The following CLDN10 variants were observed in gnomAD, a reference collection of about 807,000 sequenced individuals.
CLDN10 encodes claudin-10.
In CLDN10, 15 loss-of-function variants were observed where a neutral mutation model predicts 22.9. That is an observed-to-expected ratio of 0.65 (90% confidence interval 0.44 to 1.01). CLDN10 has a LOEUF of 1.01. CLDN10 is among the 50% of genes least tolerant of loss of function. CLDN10 has a pLI of 0.00. For synonymous variants in CLDN10, 114 were observed against 111.4 expected (o/e 1.02, Z -0.15); for missense variants, 247 against 287.8 (o/e 0.86, Z 1.03).
chr13:95,507,053 AAT>A (rs1248882051), intron 1 of CLDN10, among the ~76,000 whole-genome samples: 2 of 152,222 alleles, frequency 1.3e-5, no homozygotes, highest in Non-Finnish European at 2.9e-5. Flanking sequence ...ATAGTGTTAA[AAT>A]TATCCCAATC....
At chr13:95,451,982 C>G (rs1566649760) in intron 1 of CLDN10, among the ~76,000 whole-genome samples, 1 of 152,230 alleles carries the variant, frequency 6.6e-6, no homozygotes, top group Non-Finnish European at 1.5e-5. Context: ...GTATTTAATA[C>G]ACATCTCTTG....
chr13:95,538,164 T>C (rs1183181750), intron 1 of CLDN10, among the ~76,000 whole-genome samples: 1 of 138,698 alleles, frequency 7.2e-6, no homozygotes, highest in African/African-American at 2.7e-5. Flanking sequence ...TTTTTTTTTT[T>C]TTTTTTTTTT....
chr13:95,493,056 C>G, intron 1 of CLDN10, among the ~76,000 whole-genome samples: 1 of 152,158 alleles, frequency 6.6e-6, no homozygotes, highest in East Asian at 1.9e-4. Flanking sequence ...CAGTCCGCTT[C>G]CTTCAGAGGG....
At chr13:95,563,658 G>T (rs908429784) in intron 3 of CLDN10, among the ~76,000 whole-genome samples, 3 of 152,122 alleles carry the variant, frequency 2.0e-5, no homozygotes, top group Admixed American at 2.0e-4. Flanking sequence ...AATCCAGTTG[G>T]ATCAAGGAAT....
At chr13:95,518,350 TA>T (rs540977444) in intron 1 of CLDN10, among the ~76,000 whole-genome samples, 120 of 152,198 alleles carry the variant, frequency 7.9e-4, no homozygotes, top group Non-Finnish European at 1.3e-3. Context: ...ACTGATGATC[TA>T]AGTCACAAAG....
intron 1 of CLDN10, among the ~76,000 whole-genome samples, chr13:95,466,035 A>T (rs985836785): frequency 6.6e-6 from 1 of 151,888 alleles, no homozygotes; most frequent in South Asian, 2.1e-4. Context: ...GTTTATGTTT[A>T]TTTATTTATT....
intron 1 of CLDN10, among the ~76,000 whole-genome samples, chr13:95,492,536 T>C (rs1265164882): frequency 6.6e-6 from 1 of 151,826 alleles, no homozygotes; most frequent in Non-Finnish European, 1.5e-5. Context: ...CAGCCTCGAG[T>C]CTGTTTCCTG....
upstream of CLDN10, among the ~76,000 whole-genome samples, chr13:95,551,763 A>G (rs990991326): frequency 2.0e-5 from 3 of 152,226 alleles, no homozygotes; most frequent in Non-Finnish European, 4.4e-5. Context: ...ATTTATGCCC[A>G]GATTTGTGGC....
At position 95,501,075 on chromosome 13, in the gene CLDN10, C is replaced by T. The variant is rs931628896; in HGVS notation, c.215-59057C>T. Among the ~76,000 whole-genome samples the T allele has an allele frequency of 9.9e-5, 15 of 151,686 alleles. No homozygotes were observed. The South Asian group carries it at 1.3e-3, about 13-fold the overall frequency. On this transcript the variant is annotated intron_variant, in intron 1 of 4. Transcript: ENST00000376873. Reference sequence around the variant, plus strand: ...TGTCACCCAGGCTGGAGTGTAGTGGCATGATCTCAGCCACTGCAACCTCCA... The same window carrying T: ...TGTCACCCAGGCTGGAGTGTAGTGGTATGATCTCAGCCACTGCAACCTCCA...
chr13:95,476,342 C>T (rs980983778), intron 1 of CLDN10, among the ~76,000 whole-genome samples: 1 of 152,124 alleles, frequency 6.6e-6, no homozygotes, highest in Non-Finnish European at 1.5e-5. Context: ...GGTCAAGGTG[C>T]TGATGGATTT....
At chr13:95,472,817 C>G (rs572371671) in intron 1 of CLDN10, among the ~76,000 whole-genome samples, 1 of 152,078 alleles carries the variant, frequency 6.6e-6, no homozygotes, top group South Asian at 2.1e-4. Context: ...CAGAGTTCCA[C>G]TTGGATGTCC....
intron 3 of CLDN10, among the ~76,000 whole-genome samples, chr13:95,562,781 C>T (rs2043731848): frequency 1.3e-5 from 2 of 152,130 alleles, no homozygotes; most frequent in Non-Finnish European, 1.5e-5. Context: ...ATTTTCCTGA[C>T]AATTATTAAG....
chr13:95,498,507 AC>A (rs2042950911), intron 1 of CLDN10, among the ~76,000 whole-genome samples: 3 of 151,946 alleles, frequency 2.0e-5, no homozygotes. Flanking sequence ...TAATCCTCCC[AC>A]CTCAGCCTCC....
intron 1 of CLDN10, among the ~76,000 whole-genome samples, chr13:95,486,031 A>G (rs1410114200): frequency 6.6e-6 from 1 of 152,186 alleles, no homozygotes; most frequent in Non-Finnish European, 1.5e-5. Context: ...TAAAACCCAG[A>G]GTGGAGTGCT....
chr13:95,497,607 C>A (rs1470900184), intron 1 of CLDN10, among the ~76,000 whole-genome samples: 1 of 152,214 alleles, frequency 6.6e-6, no homozygotes, highest in African/African-American at 2.4e-5. Context: ...AGTTTCACAA[C>A]CATACCTACC....
chr13:95,515,279 A>G (rs1458775624), intron 1 of CLDN10, among the ~76,000 whole-genome samples: 2 of 151,884 alleles, frequency 1.3e-5, no homozygotes. Flanking sequence ...GCTCACTGCA[A>G]CCTCCACTTC....
At chr13:95,552,610 C>A, upstream of CLDN10, 1 of 1,070,366 alleles carries the variant, frequency 9.3e-7, no homozygotes, top group Non-Finnish European at 1.3e-6. Context: ...CGCGTGCGCC[C>A]CCTGGCGCCG....
intron 3 of CLDN10, among the ~76,000 whole-genome samples, chr13:95,565,585 A>T (rs1233797758): frequency 1.3e-5 from 2 of 152,104 alleles, no homozygotes; most frequent in African/African-American, 4.8e-5. Context: ...TATTTTCACC[A>T]TTGTGGCTAT....
At chr13:95,516,417 T>G (rs1442540766) in intron 1 of CLDN10, among the ~76,000 whole-genome samples, 1 of 152,170 alleles carries the variant, frequency 6.6e-6, no homozygotes, top group Non-Finnish European at 1.5e-5. Context: ...TGGTTTGTAT[T>G]GACTGGAGGA....
Sources: gnomAD v4.1 joint callset for allele counts (sites outside exome capture counted in the v4.1 genomes callset) on GRCh38, gnomAD v4.1.1 for gene constraint, MANE v1.5 for transcripts, NCBI Gene and HGNC (gene_info 2026-07-23, HGNC 2026-07-21) for gene names.